PLXNA4: variants seen among roughly 807,000 people sequenced by gnomAD.
PLXNA4 encodes plexin-A4.
Under a neutral mutation model 191.8 loss-of-function variants are expected in PLXNA4, and 44 were observed. The ratio of observed to expected loss-of-function variants is 0.23; its 90% confidence interval spans 0.18 to 0.29. The LOEUF (loss-of-function observed/expected upper bound fraction) is 0.29. Among genes scored for constraint, PLXNA4 ranks in the 10% least tolerant of loss-of-function variants. The probability of loss-of-function intolerance (pLI) is 1.00; values close to 1 mark genes in which losing one functional copy is unlikely to be tolerated. For missense variants in PLXNA4, 1,800 were observed against 2,488.8 expected (o/e 0.72, Z 5.89); for synonymous variants, 1,082 against 1,009.5 (o/e 1.07, Z -1.36).
chr7:132,146,458 G>A (rs1008770550), intron 28 of PLXNA4, 52 bp downstream of exon 28: 3 of 1,613,954 alleles, frequency 1.9e-6, no homozygotes, highest in East Asian at 2.2e-5. Flanking sequence ...GGCTGATGAA[G>A]TCCCTCTCCA....
At chr7:132,311,201 T>C (rs115208937) in intron 3 of PLXNA4, among the ~76,000 whole-genome samples, 2,085 of 133,482 alleles carry the variant, frequency 0.016, 54 homozygotes, top group African/African-American at 0.053. Context: ...TGTGCGCGTG[T>C]GGCCTAAAGG....
At chr7:132,537,088 G>A (rs552510016) in intron 1 of PLXNA4, among the ~76,000 whole-genome samples, 2 of 152,334 alleles carry the variant, frequency 1.3e-5, no homozygotes, top group South Asian at 2.1e-4. Flanking sequence ...CTGCCTGGAG[G>A]AGCGAGCTTT....
chr7:132,357,468 T>C (rs1444814345), intron 3 of PLXNA4, among the ~76,000 whole-genome samples: 1 of 152,190 alleles, frequency 6.6e-6, no homozygotes, highest in Non-Finnish European at 1.5e-5. Context: ...TATCAATTCA[T>C]TTGTTCATTG....
At chr7:132,205,382 G>A (rs547193571) in intron 10 of PLXNA4, among the ~76,000 whole-genome samples, 4 of 152,302 alleles carry the variant, frequency 2.6e-5, no homozygotes, top group African/African-American at 9.6e-5. Flanking sequence ...CTGTGATTCC[G>A]GTGCTGGTTA....
Position 132,288,694 on chromosome 7 carries a change from C to T in PLXNA4, c.1503+9397G>A, listed in dbSNP as rs1800772734. Among the ~76,000 whole-genome samples, 3 of 152,312 alleles carry T rather than the reference C, an allele frequency of 2.0e-5. No homozygotes were observed. The South Asian group carries it at 6.2e-4, about 32-fold the overall frequency. On this transcript the variant is annotated intron_variant, in intron 4 of 31. Transcript: ENST00000321063. ...GTGTACAGCTCGGCCCCCACAGGGG[C>T]AGAGAGGATGGCAGAGAGACGGTTG...
At chr7:132,503,889 C>T (rs1210837780) in intron 2 of PLXNA4, among the ~76,000 whole-genome samples, 3 of 152,194 alleles carry the variant, frequency 2.0e-5, no homozygotes, top group Non-Finnish European at 4.4e-5. Flanking sequence ...TCTGGGAGAC[C>T]TCTTTCCACC....
chr7:132,306,922 T>G (rs1261973183), intron 3 of PLXNA4, among the ~76,000 whole-genome samples: 3 of 152,208 alleles, frequency 2.0e-5, no homozygotes, highest in Non-Finnish European at 2.9e-5. Context: ...TGCAGCAGGT[T>G]GGCAGCAAGA....
At chr7:132,191,185 A>T (rs1490515764) in intron 14 of PLXNA4, among the ~76,000 whole-genome samples, 1 of 152,166 alleles carries the variant, frequency 6.6e-6, no homozygotes. Flanking sequence ...GGCTGACATG[A>T]TGGTAGATGG....
At chr7:132,522,559 C>T (rs954119059) in intron 1 of PLXNA4, among the ~76,000 whole-genome samples, 1 of 152,174 alleles carries the variant, frequency 6.6e-6, no homozygotes, top group African/African-American at 2.4e-5. Flanking sequence ...GCTGCTTGAG[C>T]CCAGGAGTTC....
At chr7:132,283,001 C>CG (rs1379737555) in intron 4 of PLXNA4, among the ~76,000 whole-genome samples, 1 of 152,042 alleles carries the variant, frequency 6.6e-6, no homozygotes, top group African/African-American at 2.4e-5. Flanking sequence ...CTCAGCCCCC[C>CG]CCAAGTAACT....
intron 1 of PLXNA4, among the ~76,000 whole-genome samples, chr7:132,563,489 C>CCT (rs1801474032): frequency 1.0e-5 from 1 of 98,576 alleles, no homozygotes; most frequent in Non-Finnish European, 2.2e-5. Context: ...TGCTCCTCCT[C>CCT]CTCCTTCTCC....
rs545741496 is a variant in PLXNA4 at position 132,525,083 on chromosome 7, C to T, written c.-86-16304G>A. Among the ~76,000 whole-genome samples the T allele has an allele frequency of 3.3e-5, 5 of 152,258 alleles. No homozygotes were observed. In the South Asian group the frequency reaches 1.0e-3, roughly 32 times the overall value. ...ATACCAACTCTCCATCCCCTCACCC[C>T]CTGCCCCTGACAACCTCCATTCTAC... On this transcript the variant is annotated intron_variant, in intron 1 of 31. Transcript: ENST00000321063.
At chr7:132,241,769 T>C (rs1798887137) in intron 4 of PLXNA4, among the ~76,000 whole-genome samples, 1 of 152,210 alleles carries the variant, frequency 6.6e-6, no homozygotes, top group Non-Finnish European at 1.5e-5. Flanking sequence ...GCCAACTGGC[T>C]CTAAAAGCTT....
chr7:132,637,117 A>T (rs913357702), intron 2 of PLXNA4, among the ~76,000 whole-genome samples: 1 of 152,184 alleles, frequency 6.6e-6, no homozygotes, highest in African/African-American at 2.4e-5. Flanking sequence ...GAGCCTTTTG[A>T]TCATTCTCTT....
intron 1 of PLXNA4, among the ~76,000 whole-genome samples, chr7:132,532,145 G>C (rs748174435): frequency 3.3e-5 from 5 of 152,166 alleles, no homozygotes; most frequent in Admixed American, 2.6e-4. Flanking sequence ...CATAAAAGAC[G>C]TTTTTACCCA....
chr7:132,562,566 T>C (rs1801256738), intron 1 of PLXNA4, among the ~76,000 whole-genome samples: 5 of 108,536 alleles, frequency 4.6e-5, no homozygotes, highest in Admixed American at 2.7e-4. Flanking sequence ...CTCTTCCTCC[T>C]TTCTCCTCCT....
intron 2 of PLXNA4, among the ~76,000 whole-genome samples, chr7:132,602,190 T>C (rs1802833458): frequency 6.6e-6 from 1 of 152,236 alleles, no homozygotes; most frequent in Non-Finnish European, 1.5e-5. Flanking sequence ...GACTCCCTGT[T>C]CTTTTCAAGG....
At chr7:132,381,220 C>T (rs1310497504) in intron 3 of PLXNA4, among the ~76,000 whole-genome samples, 2 of 152,154 alleles carry the variant, frequency 1.3e-5, no homozygotes, top group African/African-American at 4.8e-5. Context: ...CTCAGAGATT[C>T]CTGCAAGGTC....
rs1305514847 is a variant in PLXNA4, at chr7:132,563,852, T to C, written c.-87+12570A>G. ...CTTCTCCTCCTCCTCCTTCTGCTGC[T>C]CCTCCTCCTCCTCTCCTCTTCCTCC... On this transcript the variant is annotated intron_variant, in intron 1 of 31. Coordinates refer to ENST00000321063, the MANE Select transcript of PLXNA4 (RefSeq NM_020911.2). 1.1e-4 allele frequency among the ~76,000 whole-genome samples: 4 copies of C among 37,496 alleles called. No individual in the cohort carries two copies. In the East Asian group the frequency reaches 5.5e-3, roughly 52 times the overall value. 24.6% of individuals were successfully genotyped at this position (37,496 alleles called of 152,430 possible).
Sources: gnomAD v4.1 joint callset for allele counts (sites outside exome capture counted in the v4.1 genomes callset) on GRCh38, gnomAD v4.1.1 for gene constraint, MANE v1.5 for transcripts, NCBI Gene and HGNC (gene_info 2026-07-23, HGNC 2026-07-21) for gene names.